Variants in DAB1 observed in about 807,000 individuals in gnomAD.
DAB1 encodes the protein disabled homolog 1.
In DAB1, 15 loss-of-function variants were observed where a neutral mutation model predicts 64.6. The observed-to-expected ratio is 0.23, with a 90% confidence interval of 0.16 to 0.36. The LOEUF is 0.36. Ranked by LOEUF, DAB1 falls within the 10% of genes least tolerant of loss-of-function variation. DAB1 has a pLI of 1.00. For missense variants in DAB1, 596 were observed against 706.7 expected, an observed-to-expected ratio of 0.84 and a Z score of 1.78; for synonymous variants, 235 against 251.9, an observed-to-expected ratio of 0.93 and a Z score of 0.64.
Position 58,400,985 on chromosome 1 carries a change from C to G in DAB1, n.258-57582G>C, listed in dbSNP as rs550054474. Among the ~76,000 whole-genome samples, 7 of 152,210 alleles carry G rather than the reference C, an allele frequency of 4.6e-5. No individual in the cohort carries two copies. In the South Asian group the frequency reaches 1.5e-3, roughly 32 times the overall value. On this transcript the variant is annotated intron_variant and non_coding_transcript_variant, in intron 3 of 20. Transcript: ENST00000485760. ...TGTGGTCTAATGGAAAGAGCATTGT[C>G]ATCAGAAAGTGCTGCATTTGAAACC...
At position 58,385,136 on chromosome 1, in the gene DAB1, T is replaced by C. The variant is rs143230683; in HGVS notation, n.258-41733A>G. ...AAAAAACAAAGAGACATAAGAAAAC[T>C]TTTAGTGGTGATGCATAGCTTTATT... On this transcript the variant is annotated intron_variant and non_coding_transcript_variant, in intron 3 of 20. Coordinates refer to the DAB1 transcript ENST00000485760. Among the ~76,000 whole-genome samples the C allele has an allele frequency of 3.7e-4, 57 of 152,256 alleles. No homozygotes were observed. The East Asian group carries it at 6.9e-3, about 19-fold the overall frequency.
At chr1:58,298,789 C>A (rs1662049909) in intron 4 of DAB1, among the ~76,000 whole-genome samples, 1 of 152,230 alleles carries the variant, frequency 6.6e-6, no homozygotes. Flanking sequence ...ATCACTGTCT[C>A]CAGGAGGCTG....
chr1:57,294,617 T>A (rs1292982700), intron 1 of DAB1, among the ~76,000 whole-genome samples: 1 of 152,152 alleles, frequency 6.6e-6, no homozygotes, highest in African/African-American at 2.4e-5. Context: ...GAGGGCCCAT[T>A]ATTTGCCAAG....
At chr1:57,395,023 T>C (rs1169413142) in intron 1 of DAB1, among the ~76,000 whole-genome samples, 2 of 152,140 alleles carry the variant, frequency 1.3e-5, no homozygotes, top group African/African-American at 2.4e-5. Context: ...CTAATATATA[T>C]GTTTTTTGTT....
intron 6 of DAB1, among the ~76,000 whole-genome samples, chr1:57,730,363 C>T (rs1216849701): frequency 6.6e-6 from 1 of 152,228 alleles, no homozygotes; most frequent in African/African-American, 2.4e-5. Flanking sequence ...AAGCTCTTAA[C>T]TCCTGAGCAG....
intron 7 of DAB1, among the ~76,000 whole-genome samples, chr1:57,474,389 C>T (rs1263246810): frequency 6.6e-6 from 1 of 152,170 alleles, no homozygotes; most frequent in Non-Finnish European, 1.5e-5. Context: ...TTCTCTTGCC[C>T]ACCCCATTTA....
chr1:58,168,896 A>T (rs1198380115), intron 4 of DAB1, among the ~76,000 whole-genome samples: 2 of 152,136 alleles, frequency 1.3e-5, no homozygotes, highest in African/African-American at 4.8e-5. Flanking sequence ...TCAAGAATGC[A>T]TCAATAAGGG....
chr1:58,462,280 C>G (rs1291800129), intron 3 of DAB1, among the ~76,000 whole-genome samples: 5 of 151,970 alleles, frequency 3.3e-5, no homozygotes, highest in African/African-American at 1.2e-4. Flanking sequence ...GCGCCCGCCA[C>G]CGCGCCCGGC....
intron 6 of DAB1, among the ~76,000 whole-genome samples, chr1:57,685,726 C>T (rs1176410638): frequency 1.3e-5 from 2 of 151,800 alleles, no homozygotes; most frequent in African/African-American, 2.4e-5. Context: ...GATCACAGTG[C>T]AATAAAAACA....
intron 5 of DAB1, among the ~76,000 whole-genome samples, chr1:58,103,754 C>A (rs927012637): frequency 6.6e-6 from 1 of 152,182 alleles, no homozygotes; most frequent in African/African-American, 2.4e-5. Context: ...ACTTGCATTG[C>A]TCAAGTTTGG....
At chr1:57,193,383 T>TTTTTG (rs1224366385) in intron 2 of DAB1, among the ~76,000 whole-genome samples, 1 of 120,104 alleles carries the variant, frequency 8.3e-6, no homozygotes, top group African/African-American at 3.7e-5. Flanking sequence ...TAGCATATGT[T>TTTTTG]TTTTTTTTTT....
chr1:57,678,761 G>GTTTTTTTTTTTTTTTTTT lies in DAB1; in HGVS notation n.552-29097_552-29096insAAAAAAAAAAAAAAAAAA, dbSNP rs143885937. Among the ~76,000 whole-genome samples, 11 of 135,806 alleles carry GTTTTTTTTTTTTTTTTTT rather than the reference G, an allele frequency of 8.1e-5. 2 individuals are homozygous for GTTTTTTTTTTTTTTTTTT. The highest frequency in any genetic ancestry group is 9.2e-5 in the Non-Finnish European group (6 of 65,054). The allele number at this position is 135,806 out of a possible 152,430, so 89.1% of individuals were successfully genotyped here. ...CTGGCATTCGTCCAGTGAGGCAACT[G>GTTTTTTTTTTTTTTTTTT]TTTTTTGTTTTTTTTTTCTTTGTTT... On this transcript the variant is annotated intron_variant and non_coding_transcript_variant, in intron 6 of 20. Coordinates refer to the DAB1 transcript ENST00000485760.
intron 6 of DAB1, among the ~76,000 whole-genome samples, chr1:57,703,072 A>G (rs1179637741): frequency 6.6e-6 from 1 of 152,218 alleles, no homozygotes; most frequent in African/African-American, 2.4e-5. Flanking sequence ...TTAAAACCCC[A>G]AAGTATAAAA....
chr1:57,705,636 A>C (rs978357378), intron 6 of DAB1, among the ~76,000 whole-genome samples: 1 of 152,176 alleles, frequency 6.6e-6, no homozygotes, highest in Non-Finnish European at 1.5e-5. Context: ...CTAAGCAAAT[A>C]AATGAATAAA....
Position 57,530,010 on chromosome 1 carries a change from A to C in DAB1, n.625+119582T>G, listed in dbSNP as rs1644642700. 2.6e-5 allele frequency among the ~76,000 whole-genome samples: 4 copies of C among 152,054 alleles called. No individual in the cohort carries two copies. In the South Asian group the frequency reaches 8.3e-4, roughly 32 times the overall value. ...CTATGCTCTGTGATGGGTGGTAGGAAATCAGTGAGTAACTAACACAGCCCC... is the reference window on the plus strand; with the variant it reads ...CTATGCTCTGTGATGGGTGGTAGGACATCAGTGAGTAACTAACACAGCCCC... On this transcript the variant is annotated intron_variant and non_coding_transcript_variant, in intron 7 of 20. Transcript: ENST00000485760.
At chr1:57,386,443 G>C (rs1681861402) in intron 1 of DAB1, 1 of 151,518 alleles carries the variant, frequency 6.6e-6, no homozygotes. Flanking sequence ...CTTTACGGGG[G>C]CCTACAGGAA....
At chr1:58,398,376 C>T (rs1644540637) in intron 3 of DAB1, among the ~76,000 whole-genome samples, 1 of 152,240 alleles carries the variant, frequency 6.6e-6, no homozygotes, top group Non-Finnish European at 1.5e-5. Flanking sequence ...TGTGCCATGA[C>T]TTCTAATCTC....
intron 2 of DAB1, among the ~76,000 whole-genome samples, chr1:57,210,223 T>G (rs1464346458): frequency 6.6e-6 from 1 of 152,198 alleles, no homozygotes; most frequent in African/African-American, 2.4e-5. Context: ...TTGGATGGTT[T>G]GGGGATGTAA....
At chr1:58,061,517 C>A (rs1648503318) in intron 5 of DAB1, among the ~76,000 whole-genome samples, 1 of 152,148 alleles carries the variant, frequency 6.6e-6, no homozygotes, top group Non-Finnish European at 1.5e-5. Flanking sequence ...GTCTGTCTGT[C>A]CAAATTTTCC....
Sources: allele counts gnomAD v4.1 joint callset (sites outside exome capture counted in the v4.1 genomes callset), GRCh38; gene constraint gnomAD v4.1.1; transcripts MANE v1.5; gene names NCBI Gene and HGNC (gene_info 2026-07-23, HGNC 2026-07-21).